Variants in LMBRD1 observed in about 807,000 individuals in gnomAD.
LMBRD1 encodes lysosomal cobalamin transport escort protein LMBD1.
LMBRD1 carries 64 observed loss-of-function variants against 74.8 expected under a neutral mutation model. The observed-to-expected ratio is 0.86, with a 90% CI of 0.70 to 1.05. LMBRD1 has a LOEUF of 1.05. LMBRD1 is among the 50% of genes least tolerant of loss of function. LMBRD1 has a pLI of 0.00. For missense variants in LMBRD1, 652 were observed against 645.9 expected, an observed-to-expected ratio of 1.01 and a Z score of -0.10; for synonymous variants, 204 against 216.3, an observed-to-expected ratio of 0.94 and a Z score of 0.50.
At chr6:69,778,946 G>A (rs186495224) in intron 3 of LMBRD1, among the ~76,000 whole-genome samples, 1 of 152,014 alleles carries the variant, frequency 6.6e-6, no homozygotes, top group African/African-American at 2.4e-5. Context: ...CCAGCACTTC[G>A]GAAGGCCAGG....
intron 9 of LMBRD1, among the ~76,000 whole-genome samples, chr6:69,711,195 C>T (rs1766375417): frequency 6.6e-6 from 1 of 152,084 alleles, no homozygotes; most frequent in Non-Finnish European, 1.5e-5. Flanking sequence ...AAAACTGTGC[C>T]ATGCCAAAGA....
intron 9 of LMBRD1, among the ~76,000 whole-genome samples, chr6:69,709,452 C>G (rs190656307): frequency 6.6e-6 from 1 of 152,138 alleles, no homozygotes. Flanking sequence ...GCCTATTACC[C>G]TATTCCTAAC....
intron 7 of LMBRD1, among the ~76,000 whole-genome samples, chr6:69,721,070 A>G (rs1766604138): frequency 6.6e-6 from 1 of 152,212 alleles, no homozygotes; most frequent in South Asian, 2.1e-4. Context: ...CCAGAGGGGA[A>G]TCACTCATCC....
In LMBRD1 at chr6:69,760,463, A is replaced by G. The variant is rs1245253229; in HGVS notation, c.308-8107T>C. On this transcript the variant is annotated intron_variant, in intron 3 of 15. Transcript: ENST00000649934. ...AGAAATAGAAGAAATGGCATCAGGAAAAACACAGGAGACTTCAAAATGACC... is the reference window on the plus strand; with the variant it reads ...AGAAATAGAAGAAATGGCATCAGGAGAAACACAGGAGACTTCAAAATGACC... Among the ~76,000 whole-genome samples the G allele has an allele frequency of 2.0e-5, 3 of 152,228 alleles. No homozygotes were observed. The East Asian group carries it at 5.8e-4, about 29-fold the overall frequency.
chr6:69,788,331 T>C (rs935576075), intron 2 of LMBRD1, among the ~76,000 whole-genome samples: 5 of 152,090 alleles, frequency 3.3e-5, no homozygotes, highest in African/African-American at 1.2e-4. Context: ...CATATACATA[T>C]ATATCATTAT....
intron 3 of LMBRD1, among the ~76,000 whole-genome samples, chr6:69,767,280 C>A (rs1268806354): frequency 6.6e-6 from 1 of 151,092 alleles, no homozygotes; most frequent in Admixed American, 6.6e-5. Flanking sequence ...TTTCTGTTTT[C>A]CTAAGGTAGA....
intron 3 of LMBRD1, among the ~76,000 whole-genome samples, chr6:69,758,951 G>T (rs1359150660): frequency 6.6e-6 from 1 of 152,010 alleles, no homozygotes; most frequent in African/African-American, 2.4e-5. Flanking sequence ...CCCTAATAGG[G>T]TCAATCACTC....
intron 14 of LMBRD1, among the ~76,000 whole-genome samples, chr6:69,686,488 C>G (rs990391283): frequency 6.6e-6 from 1 of 152,054 alleles, no homozygotes; most frequent in Non-Finnish European, 1.5e-5. Flanking sequence ...AATGTATAAC[C>G]TTAATAGGTA....
chr6:69,737,638 T>G (rs559435552), intron 7 of LMBRD1, among the ~76,000 whole-genome samples: 114 of 150,260 alleles, frequency 7.6e-4, no homozygotes, highest in South Asian at 4.8e-3. Context: ...GCATATAGAT[T>G]TATAAGCATA....
At position 69,726,778 on chromosome 6, in the gene LMBRD1, A is replaced by T. The variant is rs1269607270; in HGVS notation, c.637-7697T>A. 3.8e-4 allele frequency among the ~76,000 whole-genome samples: 21 copies of T among 55,252 alleles called. 1 individual carries two copies. The South Asian group carries it at 0.015, about 40-fold the overall frequency. 36.2% of individuals were successfully genotyped at this position (55,252 alleles called of 152,430 possible). Reference sequence around the variant, plus strand: ...GCAGGTAAGGATGGTTACTAGGTACAAAAAAAAAAAAAAAATGAGTAAGAC... The same window carrying T: ...GCAGGTAAGGATGGTTACTAGGTACTAAAAAAAAAAAAAAATGAGTAAGAC... On this transcript the variant is annotated intron_variant, in intron 7 of 15. Coordinates refer to ENST00000649934, the MANE Select transcript of LMBRD1 (RefSeq NM_018368.4).
intron 7 of LMBRD1, among the ~76,000 whole-genome samples, chr6:69,721,425 G>A (rs930271043): frequency 4.6e-5 from 7 of 152,146 alleles, no homozygotes; most frequent in Admixed American, 2.6e-4. Context: ...TGCCAGAGTC[G>A]TCAGGCCCCC....
In LMBRD1 at chr6:69,735,354, C is replaced by T. The variant is rs138459554; in HGVS notation, c.636+2588G>A. 3.4e-3 allele frequency among the ~76,000 whole-genome samples: 515 copies of T among 151,930 alleles called. 5 individuals are homozygous for T. Among genetic ancestry groups the T allele is most frequent in the African/African-American group, 0.011 (474 of 41,424 alleles). ...AACCAGAGTACCCAGAGAAAACCCA[C>T]GCAGACATGGAAACAACATGCAAAC... On this transcript the variant is annotated intron_variant, in intron 7 of 15. Coordinates refer to ENST00000649934, the MANE Select transcript of LMBRD1 (RefSeq NM_018368.4).
chr6:69,780,452 G>C, intron 3 of LMBRD1, 42 bp downstream of exon 3: 2 of 1,399,172 alleles, frequency 1.4e-6, no homozygotes, highest in Non-Finnish European at 2.0e-6. Flanking sequence ...TCAGTATTTT[G>C]GTTAGCAGTC....
intron 6 of LMBRD1, among the ~76,000 whole-genome samples, chr6:69,741,584 C>T (rs1218820444): frequency 6.6e-6 from 1 of 152,118 alleles, no homozygotes; most frequent in Non-Finnish European, 1.5e-5. Context: ...CGGGGTTTGG[C>T]CATGTTGGCC....
chr6:69,785,248 CCTT>C, intron 2 of LMBRD1, among the ~76,000 whole-genome samples: 1 of 152,182 alleles, frequency 6.6e-6, no homozygotes, highest in Non-Finnish European at 1.5e-5. Flanking sequence ...CTTCAGCTGA[CCTT>C]CTACACGATA....
intron 2 of LMBRD1, among the ~76,000 whole-genome samples, chr6:69,786,146 C>T (rs1462763662): frequency 6.6e-6 from 1 of 152,208 alleles, no homozygotes; most frequent in African/African-American, 2.4e-5. Flanking sequence ...AAAGCAACCT[C>T]ATTTGCCTTA....
At chr6:69,696,041 G>A (rs745879819) in intron 14 of LMBRD1, among the ~76,000 whole-genome samples, 9 of 151,980 alleles carry the variant, frequency 5.9e-5, no homozygotes, top group Admixed American at 1.3e-4. Context: ...ACAAAGTTTC[G>A]CCATGTTGGC....
At position 69,790,511 on chromosome 6, in the gene LMBRD1, T is replaced by C. The variant is rs777011775; in HGVS notation, c.70-39A>G. Reference sequence around the variant, plus strand: ...AAAAGAGATGTTTGTTACTACCCAGTGTATTTTCTCTGATTTTTGTATGTG... The same window carrying C: ...AAAAGAGATGTTTGTTACTACCCAGCGTATTTTCTCTGATTTTTGTATGTG... On this transcript the variant is annotated intron_variant, in intron 1 of 15. Transcript: ENST00000649934. 7.6e-6 allele frequency: 12 copies of C among 1,585,836 alleles called. No homozygotes were observed. The South Asian group carries it at 1.3e-4, about 18-fold the overall frequency.
rs546324931 is a variant in LMBRD1 at position 69,775,054 on chromosome 6, G to T, written c.307+5440C>A. Among the ~76,000 whole-genome samples the T allele has an allele frequency of 2.1e-5, 3 of 145,960 alleles. No individual in the cohort carries two copies. In the East Asian group the frequency reaches 6.2e-4, roughly 30 times the overall value. On this transcript the variant is annotated intron_variant, in intron 3 of 15. Transcript: ENST00000649934. ...GGGAGGGAAGGAAGGAAAAGATGAA[G>T]AACTAAATAAAACATTCAAAAGAAA...
Sources: allele counts gnomAD v4.1 joint callset (sites outside exome capture counted in the v4.1 genomes callset), GRCh38; gene constraint gnomAD v4.1.1; transcripts MANE v1.5; gene names NCBI Gene and HGNC (gene_info 2026-07-23, HGNC 2026-07-21).